The following SLC25A23 variants were observed in gnomAD, a reference collection of about 807,000 sequenced individuals.
SLC25A23 encodes solute carrier family 25 member 23, also known as mitochondrial adenyl nucleotide antiporter SLC25A23.
In SLC25A23, 32 loss-of-function variants were observed where a neutral mutation model predicts 53.9. That is an observed-to-expected ratio of 0.59 (90% CI 0.45 to 0.80). The LOEUF (loss-of-function observed/expected upper bound fraction) is 0.80. SLC25A23 is among the 30% of genes least tolerant of loss of function. SLC25A23 has a pLI of 0.00. For missense variants in SLC25A23, 575 were observed against 651.4 expected, an observed-to-expected ratio of 0.88 and a Z score of 1.28; for synonymous variants, 275 against 264.5, an observed-to-expected ratio of 1.04 and a Z score of -0.38.
At chr19:6,452,676 CAT>C (rs2092609922) in intron 7 of SLC25A23, 197 bp from the exon 8 acceptor site, 1 of 560,712 alleles carries the variant, frequency 1.8e-6, no homozygotes, top group Admixed American at 3.8e-5. Context: ...AAAGTGCACA[CAT>C]GTGGCACCAC....
At chr19:6,451,027 G>A (rs939616728) in intron 8 of SLC25A23, among the ~76,000 whole-genome samples, 6 of 151,374 alleles carry the variant, frequency 4.0e-5, no homozygotes, top group African/African-American at 1.2e-4. Context: ...GCAGTGGGCC[G>A]AGATCGCGCC....
Position 6,454,195 on chromosome 19 carries a change from G to A in SLC25A23, c.796-107C>T. Reference sequence around the variant, plus strand: ...GAACTGGCTTGCTGCAGGCATTCATGCAGAGGAGCAGATGCCTGATCCTGG... The same window carrying A: ...GAACTGGCTTGCTGCAGGCATTCATACAGAGGAGCAGATGCCTGATCCTGG... On this transcript the variant is annotated intron_variant, in intron 6 of 9. Coordinates refer to ENST00000301454, the MANE Select transcript of SLC25A23 (RefSeq NM_024103.3). The surrounding 1 kb of genome is among the most constrained non-coding windows in gnomAD (Gnocchi z 4.3). 1 of 1,501,174 alleles carries A rather than the reference G, an allele frequency of 6.7e-7. No individual in the cohort carries two copies. The highest frequency in any genetic ancestry group is 1.9e-5 in the Admixed American group (1 of 52,606). 93.0% of individuals were successfully genotyped at this position (1,501,174 alleles called of 1,614,324 possible).
intron 9 of SLC25A23, among the ~76,000 whole-genome samples, chr19:6,442,856 A>G (rs2092442730): frequency 6.8e-6 from 1 of 146,008 alleles, no homozygotes; most frequent in Non-Finnish European, 1.5e-5. Context: ...CGGCCCTTGA[A>G]CTCTTAACCT....
chr19:6,458,982 T>C lies in SLC25A23; in HGVS notation c.156+491A>G, dbSNP rs558221298. Reference sequence around the variant, plus strand: ...CAGCTGCGGGTGACCGCAGACAGGATTGGGTCCCTGGCTGGGGCAGCCCGG... The same window carrying C: ...CAGCTGCGGGTGACCGCAGACAGGACTGGGTCCCTGGCTGGGGCAGCCCGG... On this transcript the variant is annotated intron_variant, in intron 1 of 9. Transcript: ENST00000301454. Among the ~76,000 whole-genome samples, 18 of 152,222 alleles carry C rather than the reference T, an allele frequency of 1.2e-4. No individual in the cohort carries two copies. The East Asian group carries it at 3.3e-3, about 28-fold the overall frequency.
chr19:6,454,659 A>T lies in SLC25A23; in HGVS notation c.542T>A (p.Leu181Gln), dbSNP rs763029573. The stretch of plus-strand genomic sequence containing the variant: ...CAGCTGTTTCCACCACATGCCCGTC[A>T]GCTTCTCTTGCTTTGAGAACTCGTC... ...VPDEFSKQEKLTGMWWKQLVA... is the reference protein window; with the variant it reads ...VPDEFSKQEKQTGMWWKQLVA... The change falls in exon 5 of 10, where the codon CTG becomes CAG. Residue 181 changes from leucine (L) to glutamine (Q), a missense_variant. Coordinates refer to ENST00000301454, the MANE Select transcript of SLC25A23 (RefSeq NM_024103.3). The surrounding 1 kb of genome is among the most constrained non-coding windows in gnomAD (Gnocchi z 4.3). 1 of 1,614,130 alleles carries T rather than the reference A, an allele frequency of 6.2e-7. No individual in the cohort carries two copies. Among genetic ancestry groups the T allele is most frequent in the Non-Finnish European group, 8.5e-7 (1 of 1,180,022 alleles).
intron 9 of SLC25A23, chr19:6,443,503 C>T: frequency 3.0e-6 from 2 of 675,170 alleles, no homozygotes; most frequent in South Asian, 1.6e-5. Flanking sequence ...GCTGGGATTA[C>T]AGATGTGAGC....
chr19:6,459,503 GC>G lies in SLC25A23; in HGVS notation c.125del (p.Gly42AlafsTer90). On this transcript the variant is annotated frameshift_variant, in exon 1 of 10. Coordinates refer to ENST00000301454, the MANE Select transcript of SLC25A23 (RefSeq NM_024103.3). LOFTEE classifies it high-confidence loss of function. This position sits in a 1 kb window ranked among gnomAD's most constrained non-coding sequence, Gnocchi z 4.6. ...GGGCGCCGGGGTCTGGGTTGCCCCC[GC>G]CCAGCCTGGCCAGCCCCTGGCGCAA... ...HELRQGLARL[G>X]GGNPDPGAQQ... 6.3e-7 allele frequency: 1 copy of G among 1,594,372 alleles called. No homozygotes were observed. Among genetic ancestry groups the G allele is most frequent in the Non-Finnish European group, 8.5e-7 (1 of 1,175,974 alleles).
rs957661810 is a variant in SLC25A23, at chr19:6,454,858, G to C, written c.484-141C>G. 4 of 913,248 alleles carry C rather than the reference G, an allele frequency of 4.4e-6. No homozygotes were observed. In the African/African-American group the frequency reaches 5.0e-5, roughly 12 times the overall value. 56.6% of individuals were successfully genotyped at this position (913,248 alleles called of 1,614,324 possible). A position where few individuals can be genotyped will look rare whatever the true frequency, so the allele number is the denominator to read the frequency against. ...ACTCTTGCTTGGAGACCCCAGAAGA[G>C]TCCTGTTGGGTCCTACCAGGTGTCA... On this transcript the variant is annotated intron_variant, in intron 4 of 9. Transcript: ENST00000301454. This position sits in a 1 kb window ranked among gnomAD's most constrained non-coding sequence, Gnocchi z 4.3.
At chr19:6,452,713 CTTTT>C in intron 7 of SLC25A23, 1 of 471,506 alleles carries the variant, frequency 2.1e-6, no homozygotes, top group Non-Finnish European at 3.6e-6. Flanking sequence ...TGATATCTTT[CTTTT>C]ATTTTTTGGT....
chr19:6,448,878 G>A (rs2092545364), intron 8 of SLC25A23, among the ~76,000 whole-genome samples: 1 of 151,760 alleles, frequency 6.6e-6, no homozygotes. Context: ...ACAAAAATTA[G>A]CCTGGCGTGG....
At chr19:6,436,995 T>A (rs2092332801), downstream of SLC25A23, among the ~76,000 whole-genome samples, 1 of 151,810 alleles carries the variant, frequency 6.6e-6, no homozygotes, top group Non-Finnish European at 1.5e-5. Flanking sequence ...ATCACAGGCA[T>A]GTGACACCAT....
rs1023171263 is a variant in SLC25A23 at position 6,441,780 on chromosome 19, G to A, written c.*195C>T. 1.8e-6 allele frequency: 1 copy of A among 549,996 alleles called. No individual in the cohort carries two copies. Among genetic ancestry groups the A allele is most frequent in the Non-Finnish European group, 3.2e-6 (1 of 316,580 alleles). The allele number at this position is 549,996 out of a possible 1,614,324, so 34.1% of individuals were successfully genotyped here. ...TGGGGATCGCATGACCCAGTGGTTG[G>A]GGCATAGGAGTCTAGGATCCAGGAT... On this transcript the variant is annotated 3_prime_UTR_variant, in exon 10 of 10. Coordinates refer to ENST00000301454, the MANE Select transcript of SLC25A23 (RefSeq NM_024103.3).
Position 6,441,217 on chromosome 19 carries a change from A to C in SLC25A23, c.*758T>G, listed in dbSNP as rs1405843052. 2.0e-5 allele frequency: 3 copies of C among 152,062 alleles called. No homozygotes were observed. The highest frequency in any genetic ancestry group is 4.4e-5 in the Non-Finnish European group (3 of 68,088). The allele number at this position is 152,062 out of a possible 1,614,324, so 9.4% of individuals were successfully genotyped here. A position where few individuals can be genotyped will look rare whatever the true frequency, so the allele number is the denominator to read the frequency against. On this transcript the variant is annotated 3_prime_UTR_variant, in exon 10 of 10. Coordinates refer to ENST00000301454, the MANE Select transcript of SLC25A23 (RefSeq NM_024103.3). Reference sequence around the variant, plus strand: ...TGTCGAGGTTAAAAAAAAACAAAAAACCAAAAACCAATGCAGGAATCCAGT... The same window carrying C: ...TGTCGAGGTTAAAAAAAAACAAAAACCCAAAAACCAATGCAGGAATCCAGT...
intron 4 of SLC25A23, among the ~76,000 whole-genome samples, chr19:6,455,740 C>T (rs1168156909): frequency 8.0e-5 from 9 of 113,158 alleles, no homozygotes; most frequent in Non-Finnish European, 1.2e-4. Context: ...TTTTTTGAGA[C>T]GGAGTGTGGC....
chr19:6,456,928 T>G (rs994913869), intron 3 of SLC25A23, among the ~76,000 whole-genome samples: 8 of 152,090 alleles, frequency 5.3e-5, no homozygotes, highest in Non-Finnish European at 1.0e-4. Context: ...TCCACCTGCC[T>G]CGGCCTTCCA....
Position 6,452,499 on chromosome 19 carries a change from C to T in SLC25A23, c.904-20G>A, listed in dbSNP as rs779144308. On this transcript the variant is annotated intron_variant, in intron 7 of 9. Transcript: ENST00000301454. ...CAGCACCTGGGGAGAACCTGGTTAT[C>T]CCTGGAAAAGCTGTCCCACCAAATC... is the stretch of plus-strand genomic sequence containing the variant. The T allele has an allele frequency of 6.3e-7, 1 of 1,586,368 alleles. No individual in the cohort carries two copies. Among genetic ancestry groups the T allele is most frequent in the Non-Finnish European group, 8.6e-7 (1 of 1,161,996 alleles).
chr19:6,458,953 T>G (rs1306905086), intron 1 of SLC25A23, among the ~76,000 whole-genome samples: 1 of 152,166 alleles, frequency 6.6e-6, no homozygotes, highest in Non-Finnish European at 1.5e-5. Flanking sequence ...TATAGGTGCA[T>G]TCCCAGCTGC....
rs529957147 is a variant in SLC25A23, at chr19:6,455,707, G to GTTT, written c.483+710_483+712dup. Among the ~76,000 whole-genome samples, 75 of 124,942 alleles carry GTTT rather than the reference G, an allele frequency of 6.0e-4. 6 individuals are homozygous for GTTT. Among genetic ancestry groups the GTTT allele is most frequent in the African/African-American group, 1.8e-3 (60 of 32,628 alleles). The allele number at this position is 124,942 out of a possible 152,430, so 82.0% of individuals were successfully genotyped here. A position where few individuals can be genotyped will look rare whatever the true frequency, so the allele number is the denominator to read the frequency against. ...TCCCATTGGATCCTCTGAAGACCGTGTTTTTTTTTTTTTTTTTTTTTTTTT... is the reference window on the plus strand; with the variant it reads ...TCCCATTGGATCCTCTGAAGACCGTGTTTTTTTTTTTTTTTTTTTTTTTTTTTT... On this transcript the variant is annotated intron_variant, in intron 4 of 9. Transcript: ENST00000301454.
At chr19:6,453,595 T>C (rs2092626345) in intron 7 of SLC25A23, among the ~76,000 whole-genome samples, 1 of 152,116 alleles carries the variant, frequency 6.6e-6, no homozygotes, top group Admixed American at 6.5e-5. Context: ...CTTCATAACC[T>C]GAAACCTGAA....
Sources: gnomAD v4.1 joint callset for allele counts (sites outside exome capture counted in the v4.1 genomes callset) on GRCh38, gnomAD v4.1.1 for gene constraint, Gnocchi (gnomAD v3.1) non-coding constraint, MANE v1.5 for transcripts, NCBI Gene and HGNC (gene_info 2026-07-23, HGNC 2026-07-21) for gene names.